The following PCMTD2 variants were observed in gnomAD, a reference collection of about 807,000 sequenced individuals.
The protein encoded by PCMTD2 is protein-L-isoaspartate O-methyltransferase domain-containing protein 2.
In PCMTD2, 16 loss-of-function variants were observed where a neutral mutation model predicts 33.4. That is an observed-to-expected ratio of 0.48 (90% CI 0.32 to 0.73). The LOEUF is 0.73. Among genes scored for constraint, PCMTD2 ranks in the 30% least tolerant of loss-of-function variants. The pLI, the probability that PCMTD2 is intolerant of heterozygous loss-of-function variation, is 0.03. For missense variants in PCMTD2, 374 were observed against 449.9 expected, an observed-to-expected ratio of 0.83 and a Z score of 1.53; for synonymous variants, 161 against 160.8, an observed-to-expected ratio of 1.00 and a Z score of -0.01.
chr20:64,262,089 C>G (rs987093057), intron 2 of PCMTD2, among the ~76,000 whole-genome samples: 1 of 151,994 alleles, frequency 6.6e-6, no homozygotes, highest in Admixed American at 6.6e-5. Context: ...CCTGTCCCTA[C>G]CAAAAGTATA....
In PCMTD2 at chr20:64,274,655, G is replaced by A. The variant is rs2145772296; in HGVS notation, c.*1055G>A. 6.6e-6 allele frequency: 1 copy of A among 152,254 alleles called. No individual in the cohort carries two copies. The highest frequency in any genetic ancestry group is 1.9e-4 in the East Asian group (1 of 5,188). The allele number at this position is 152,254 out of a possible 1,614,324, so 9.4% of individuals were successfully genotyped here. On this transcript the variant is annotated 3_prime_UTR_variant, in exon 6 of 6. Coordinates refer to ENST00000308824, the MANE Select transcript of PCMTD2 (RefSeq NM_018257.3). ...TAATTCTGGAGAAAAAGATTTGTTA[G>A]TTTTGTAATTTTTTTGTAAGACCAA...
chr20:64,261,201 G>T (rs1404786377), intron 2 of PCMTD2, among the ~76,000 whole-genome samples: 2 of 152,188 alleles, frequency 1.3e-5, no homozygotes, highest in African/African-American at 4.8e-5. Context: ...GGCGGGGAAG[G>T]CATCTGTTTT....
At chr20:64,256,621 T>A (rs542282206) in intron 1 of PCMTD2, 2 of 152,354 alleles carry the variant, frequency 1.3e-5, no homozygotes, top group South Asian at 4.1e-4. Context: ...TTGAGGTGCC[T>A]ATAAGCAACT....
At chr20:64,261,239 C>G (rs542143842) in intron 2 of PCMTD2, among the ~76,000 whole-genome samples, 6 of 152,074 alleles carry the variant, frequency 3.9e-5, no homozygotes, top group Non-Finnish European at 5.9e-5. Context: ...AAAGTTTTGC[C>G]GGAGGGGTGA....
chr20:64,264,609 CAT>C (rs1361897652), intron 3 of PCMTD2, 78 bp downstream of exon 3: 3 of 754,638 alleles, frequency 4.0e-6, no homozygotes, highest in African/African-American at 1.7e-5. Flanking sequence ...AGAAAGAAAT[CAT>C]GTGGTAGGAA....
In PCMTD2 at chr20:64,273,367, C is replaced by G; in HGVS notation, c.853C>G (p.Arg285Gly). The part of the protein sequence containing the change: ...PRFKRRRVRR[R>G]RMETIVFLDK... Reference sequence around the variant, plus strand: ...GTTTAAACGAAGGAGAGTTCGCCGCCGTCGAATGGAAACGATTGTCTTTTT... The same window carrying G: ...GTTTAAACGAAGGAGAGTTCGCCGCGGTCGAATGGAAACGATTGTCTTTTT... The change falls in exon 6 of 6, where the codon CGT becomes GGT. Residue 285 changes from arginine (R) to glycine (G), a missense_variant. Coordinates refer to ENST00000308824, the MANE Select transcript of PCMTD2 (RefSeq NM_018257.3). 1 of 1,614,156 alleles carries G rather than the reference C, an allele frequency of 6.2e-7. No homozygotes were observed. Among genetic ancestry groups the G allele is most frequent in the Non-Finnish European group, 8.5e-7 (1 of 1,180,008 alleles).
chr20:64,260,100 A>G lies in PCMTD2; in HGVS notation c.135A>G (p.Glu45=). Residue 45 remains glutamate, a synonymous_variant, in exon 2 of 6, where the codon GAA becomes GAG. Transcript: ENST00000308824. ...AIDRADYYLE[E]FKENAYKDLA... ...ATCGTGCAGACTATTATCTTGAAGA[A>G]TTTAAAGAAAATGCTTATAAAGACT... 1 of 1,613,484 alleles carries G rather than the reference A, an allele frequency of 6.2e-7. No individual in the cohort carries two copies. Among genetic ancestry groups the G allele is most frequent in the Non-Finnish European group, 8.5e-7 (1 of 1,179,402 alleles).
chr20:64,265,666 G>C (rs553820626), intron 4 of PCMTD2: 10 of 393,838 alleles, frequency 2.5e-5, no homozygotes, highest in African/African-American at 2.0e-4. Context: ...TTCCTTCTCT[G>C]TCTCTCTCTT....
In PCMTD2 at chr20:64,273,269, G is replaced by C; in HGVS notation, c.755G>C (p.Arg252Pro). 1 of 1,613,970 alleles carries C rather than the reference G, an allele frequency of 6.2e-7. No individual in the cohort carries two copies. The highest frequency in any genetic ancestry group is 8.5e-7 in the Non-Finnish European group (1 of 1,179,902). The change falls in exon 6 of 6, where the codon CGG becomes CCG. Residue 252 changes from arginine (R) to proline (P), a missense_variant. By Grantham distance (103) the Arg-to-Pro change is moderately radical (BLOSUM62 -2). Transcript: ENST00000308824. Reference protein sequence around the residue: ...SLQDLARIAIRGTIKKIIHQE... With the variant: ...SLQDLARIAIPGTIKKIIHQE... The stretch of plus-strand genomic sequence containing the variant: ...CAGGACTTGGCTCGCATCGCCATCC[G>C]GGGCACCATTAAAAAGATTATTCAT...
rs1250506053 is a variant in PCMTD2, at chr20:64,275,984, A to G, written c.*2384A>G. The G allele has an allele frequency of 6.6e-6, 1 of 152,246 alleles. No individual in the cohort carries two copies. Among genetic ancestry groups the G allele is most frequent in the Non-Finnish European group, 1.5e-5 (1 of 68,036 alleles). 9.4% of individuals were successfully genotyped at this position (152,246 alleles called of 1,614,324 possible). On this transcript the variant is annotated 3_prime_UTR_variant, in exon 6 of 6. Transcript: ENST00000308824. ...AACATAGATTTTAATGAGCTGGTAA[A>G]CACAAATCATGTCAATAAAGGTAGT...
chr20:64,261,744 A>C (rs187251114), intron 2 of PCMTD2, among the ~76,000 whole-genome samples: 1 of 152,126 alleles, frequency 6.6e-6, no homozygotes, highest in African/African-American at 2.4e-5. Flanking sequence ...CTTCTCTTCA[A>C]TTGAGACTGT....
At chr20:64,266,281 A>C (rs6011376) in intron 4 of PCMTD2, among the ~76,000 whole-genome samples, 1 of 151,820 alleles carries the variant, frequency 6.6e-6, no homozygotes, top group African/African-American at 2.4e-5. Context: ...ATTTAGAGAC[A>C]GAGTCTCGCT....
At chr20:64,268,414 C>G (rs1007894729) in intron 5 of PCMTD2, among the ~76,000 whole-genome samples, 2 of 152,198 alleles carry the variant, frequency 1.3e-5, no homozygotes, top group African/African-American at 4.8e-5. Flanking sequence ...CCTGCTGCCT[C>G]ATGGGTAGAC....
At chr20:64,267,844 G>A in intron 4 of PCMTD2, 43 bp from the exon 5 acceptor site, 1 of 1,574,050 alleles carries the variant, frequency 6.4e-7, no homozygotes, top group Non-Finnish European at 8.7e-7. Flanking sequence ...GAGCTAAATA[G>A]TAGCCAATTC....
chr20:64,269,820 G>C (rs997443866), intron 5 of PCMTD2, among the ~76,000 whole-genome samples: 2 of 148,838 alleles, frequency 1.3e-5, no homozygotes, highest in Non-Finnish European at 1.5e-5. Flanking sequence ...ATGTGAATGT[G>C]GGCACGCGTG....
At chr20:64,260,706 GTTTTTTTTTTT>G (rs10585176) in intron 2 of PCMTD2, among the ~76,000 whole-genome samples, 20 of 117,576 alleles carry the variant, frequency 1.7e-4, no homozygotes, top group East Asian at 7.1e-4. Context: ...TGTTTTGTTG[GTTTTTTTTTTT>G]TTTTTTTTTT....
chr20:64,255,895 C>G lies in PCMTD2; in HGVS notation c.-25+25C>G, dbSNP rs571034327. ...GGTAGAGCCGCCGCCGCCGCCGCCG[C>G]CCCTCGGTCCGGCCTGCGGCGAGCG... On this transcript the variant is annotated intron_variant, in intron 1 of 5. Transcript: ENST00000308824. 260 of 154,790 alleles carry G rather than the reference C, an allele frequency of 1.7e-3. 2 individuals carry two copies. The highest frequency in any genetic ancestry group is 6.0e-3 in the African/African-American group (247 of 41,468). The allele number at this position is 154,790 out of a possible 1,614,324, so 9.6% of individuals were successfully genotyped here.
At position 64,275,664 on chromosome 20, in the gene PCMTD2, C is replaced by T. The variant is rs1466128344; in HGVS notation, c.*2064C>T. On this transcript the variant is annotated 3_prime_UTR_variant, in exon 6 of 6. Transcript: ENST00000308824. ...AGGATTGTAAGTAAAGTTTCCTGCGCACCTTATACCAGAATTCAGTATAAT... is the reference window on the plus strand; with the variant it reads ...AGGATTGTAAGTAAAGTTTCCTGCGTACCTTATACCAGAATTCAGTATAAT... 2 of 152,166 alleles carry T rather than the reference C, an allele frequency of 1.3e-5. No homozygotes were observed. The highest frequency in any genetic ancestry group is 2.9e-5 in the Non-Finnish European group (2 of 68,024). 9.4% of individuals were successfully genotyped at this position (152,166 alleles called of 1,614,324 possible).
At chr20:64,261,739 C>T (rs967815829) in intron 2 of PCMTD2, among the ~76,000 whole-genome samples, 4 of 152,134 alleles carry the variant, frequency 2.6e-5, no homozygotes, top group Non-Finnish European at 4.4e-5. Flanking sequence ...CGTAACTTCT[C>T]TTCAATTGAG....
Sources: gnomAD v4.1 joint callset for allele counts (sites outside exome capture counted in the v4.1 genomes callset) on GRCh38, gnomAD v4.1.1 for gene constraint, MANE v1.5 for transcripts, NCBI Gene and HGNC (gene_info 2026-07-23, HGNC 2026-07-21) for gene names.